The following SCAF8 variants were observed in gnomAD, a reference collection of about 807,000 sequenced individuals.
SCAF8 encodes the protein SR-related CTD associated factor 8.
In SCAF8, 23 loss-of-function variants were observed where a neutral mutation model predicts 140.5. The ratio of observed to expected loss-of-function variants is 0.16; its 90% CI spans 0.12 to 0.23. The LOEUF (loss-of-function observed/expected upper bound fraction) is 0.23. SCAF8 is among the 10% of genes least tolerant of loss of function. SCAF8 has a pLI of 1.00. For missense variants in SCAF8, 1,397 were observed against 1,555.7 expected, an observed-to-expected ratio of 0.90 and a Z score of 1.72; for synonymous variants, 575 against 528.9, an observed-to-expected ratio of 1.09 and a Z score of -1.20.
intron 2 of SCAF8, 25 bp downstream of exon 2, chr6:154,774,097 A>G (rs751424457): frequency 1.4e-6 from 2 of 1,449,514 alleles, no homozygotes; most frequent in South Asian, 1.2e-5. Context: ...TTACTCTTCT[A>G]TTTTCAAAAG....
intron 13 of SCAF8, 97 bp downstream of exon 13, chr6:154,815,913 C>G (rs1778234693): frequency 3.2e-6 from 2 of 623,038 alleles, no homozygotes; most frequent in Admixed American, 4.7e-5. Context: ...GTAATGTCTG[C>G]CTTAAATAAT....
intron 7 of SCAF8, among the ~76,000 whole-genome samples, 173 bp downstream of exon 7, chr6:154,802,320 T>A (rs189968176): frequency 2.0e-5 from 3 of 152,000 alleles, no homozygotes; most frequent in Admixed American, 6.6e-5. Flanking sequence ...ATTAAGTAAT[T>A]AAAAAAATTT....
At chr6:154,758,067 C>T (rs1779010589) in intron 1 of SCAF8, among the ~76,000 whole-genome samples, 2 of 151,974 alleles carry the variant, frequency 1.3e-5, no homozygotes, top group Admixed American at 6.6e-5. Context: ...TGTGCCATCA[C>T]TCCCAGCTAA....
intron 14 of SCAF8, among the ~76,000 whole-genome samples, chr6:154,818,967 C>CTAA (rs1465653936): frequency 6.6e-6 from 1 of 152,108 alleles, no homozygotes; most frequent in African/African-American, 2.4e-5. Flanking sequence ...ACTATACCTT[C>CTAA]TAATTATATT....
intron 12 of SCAF8, among the ~76,000 whole-genome samples, chr6:154,812,432 A>G (rs1007885044): frequency 2.0e-5 from 3 of 151,988 alleles, no homozygotes; most frequent in South Asian, 2.1e-4. Context: ...GGGAAGAACA[A>G]CTTATGTGCC....
chr6:154,767,169 C>T (rs896062902), intron 1 of SCAF8, among the ~76,000 whole-genome samples: 4 of 152,132 alleles, frequency 2.6e-5, no homozygotes, highest in Admixed American at 1.3e-4. Flanking sequence ...CTTGCCCAGG[C>T]CTTCCTTCTG....
chr6:154,751,814 G>C (rs934452204), intron 1 of SCAF8, among the ~76,000 whole-genome samples: 1 of 152,100 alleles, frequency 6.6e-6, no homozygotes, highest in Non-Finnish European at 1.5e-5. Flanking sequence ...TGTTAACTCT[G>C]GGACAGAATA....
chr6:154,734,073 G>A, intron 1 of SCAF8, 143 bp downstream of exon 1: 1 of 1,290,708 alleles, frequency 7.7e-7, no homozygotes, highest in Non-Finnish European at 1.0e-6. Context: ...GTGGGGGAGG[G>A]GTGTTTCTCC....
rs530844853 is a variant in SCAF8 at position 154,790,596 on chromosome 6, C to T, written c.322-2227C>T. Among the ~76,000 whole-genome samples, 8 of 137,982 alleles carry T rather than the reference C, an allele frequency of 5.8e-5. No homozygotes were observed. The South Asian group carries it at 1.2e-3, about 21-fold the overall frequency. 90.5% of individuals were successfully genotyped at this position (137,982 alleles called of 152,430 possible). A position where few individuals can be genotyped will look rare whatever the true frequency, so the allele number is the denominator to read the frequency against. Reference sequence around the variant, plus strand: ...TGTAATCTCGGCTCACTGCAAGCTCCGCCTCCTGGGTTCACGCCATTCTCT... The same window carrying T: ...TGTAATCTCGGCTCACTGCAAGCTCTGCCTCCTGGGTTCACGCCATTCTCT... On this transcript the variant is annotated intron_variant, in intron 4 of 19. Transcript: ENST00000367178.
chr6:154,751,924 T>G (rs1778847414), intron 1 of SCAF8, among the ~76,000 whole-genome samples: 1 of 152,196 alleles, frequency 6.6e-6, no homozygotes, highest in African/African-American at 2.4e-5. Flanking sequence ...AGCACCCACT[T>G]GGCCAACAGT....
chr6:154,785,651 G>A (rs556670872), intron 3 of SCAF8, among the ~76,000 whole-genome samples: 1 of 149,970 alleles, frequency 6.7e-6, no homozygotes, highest in South Asian at 2.1e-4. Flanking sequence ...TTTAGTAGCT[G>A]CAGGTGGGAG....
rs748560090 is a variant in SCAF8, at chr6:154,777,981, T to A, written c.115-20T>A. ...CTCAAACTGATTTTAAAACCATACT[T>A]CATTTTTTTCCTCTTTTAGTTCTAT... On this transcript the variant is annotated intron_variant, in intron 2 of 19. Transcript: ENST00000367178. 1 of 1,449,934 alleles carries A rather than the reference T, an allele frequency of 6.9e-7. No individual in the cohort carries two copies. Among genetic ancestry groups the A allele is most frequent in the African/African-American group, 1.4e-5 (1 of 71,462 alleles). The allele number at this position is 1,449,934 out of a possible 1,614,324, so 89.8% of individuals were successfully genotyped here.
rs1288668306 is a variant in SCAF8 at position 154,833,235 on chromosome 6, C to A, written c.3656C>A (p.Thr1219Lys). 6.2e-7 allele frequency: 1 copy of A among 1,613,954 alleles called. No individual in the cohort carries two copies. Among genetic ancestry groups the A allele is most frequent in the Non-Finnish European group, 8.5e-7 (1 of 1,179,980 alleles). Residue 1219 changes from threonine (T) to lysine (K), a missense_variant, in exon 20 of 20, where the codon ACA becomes AAA. By Grantham distance (78) the Thr-to-Lys change is moderately conservative. Coordinates refer to ENST00000367178, the MANE Select transcript of SCAF8 (RefSeq NM_014892.5). ...GTGCCTCAGGTTAATGGTGAAAATA[C>A]AGAGAGACATGCTCAGCCACCACCT... ...DNVPQVNGEN[T>K]ERHAQPPPIP...
At chr6:154,813,862 G>A (rs1036538442) in intron 12 of SCAF8, among the ~76,000 whole-genome samples, 1 of 152,132 alleles carries the variant, frequency 6.6e-6, no homozygotes, top group Non-Finnish European at 1.5e-5. Context: ...GACGAAGGAC[G>A]GGACCATGAG....
intron 1 of SCAF8, among the ~76,000 whole-genome samples, chr6:154,748,098 T>C (rs990769145): frequency 1.3e-5 from 2 of 152,222 alleles, no homozygotes; most frequent in Non-Finnish European, 2.9e-5. Flanking sequence ...TTTCTATCTC[T>C]TCCTTTTTTG....
rs145109016 is a variant in SCAF8, at chr6:154,770,134, T to C, written c.31-3855T>C. ...TCTTAACTTCAAGAGTTTAATAGTTTAAGGATCTTAGCTTAAGAATTCTTA... is the reference window on the plus strand; with the variant it reads ...TCTTAACTTCAAGAGTTTAATAGTTCAAGGATCTTAGCTTAAGAATTCTTA... On this transcript the variant is annotated intron_variant, in intron 1 of 19. Coordinates refer to ENST00000367178, the MANE Select transcript of SCAF8 (RefSeq NM_014892.5). 2.0e-4 allele frequency among the ~76,000 whole-genome samples: 30 copies of C among 152,296 alleles called. 1 individual carries two copies. In the East Asian group the frequency reaches 5.2e-3, roughly 26 times the overall value.
intron 1 of SCAF8, among the ~76,000 whole-genome samples, chr6:154,754,088 A>G (rs1778907716): frequency 6.6e-6 from 1 of 152,232 alleles, no homozygotes; most frequent in South Asian, 2.1e-4. Flanking sequence ...GTCTATTTTA[A>G]TACTGCTTGA....
chr6:154,755,072 T>A lies in SCAF8; in HGVS notation c.31-18917T>A, dbSNP rs1237941492. Among the ~76,000 whole-genome samples, 3 of 152,304 alleles carry A rather than the reference T, an allele frequency of 2.0e-5. No homozygotes were observed. The East Asian group carries it at 5.8e-4, about 29-fold the overall frequency. On this transcript the variant is annotated intron_variant, in intron 1 of 19. Transcript: ENST00000367178. ...TTTGTCAGTCATGAAAGCTAATGAATTATTTTTTAAAAAATGTATATTCTG... is the reference window on the plus strand; with the variant it reads ...TTTGTCAGTCATGAAAGCTAATGAAATATTTTTTAAAAAATGTATATTCTG...
At chr6:154,735,670 C>A (rs2114781919) in intron 1 of SCAF8, among the ~76,000 whole-genome samples, 1 of 151,982 alleles carries the variant, frequency 6.6e-6, no homozygotes, top group South Asian at 2.1e-4. Context: ...CACATCACCA[C>A]GCCCCGCTAA....
Sources: allele counts gnomAD v4.1 joint callset (sites outside exome capture counted in the v4.1 genomes callset), GRCh38; gene constraint gnomAD v4.1.1; transcripts MANE v1.5; gene names NCBI Gene and HGNC (gene_info 2026-07-23, HGNC 2026-07-21).